The following ST6GALNAC3 variants were observed in gnomAD, a reference collection of about 807,000 sequenced individuals.
ST6GALNAC3 encodes alpha-N-acetylgalactosaminide alpha-2,6-sialyltransferase 3.
ST6GALNAC3 carries 25 observed loss-of-function variants against 32.7 expected under a neutral mutation model. The ratio of observed to expected loss-of-function variants is 0.76; its 90% CI spans 0.56 to 1.07. The LOEUF is 1.07. ST6GALNAC3 is among the 50% of genes least tolerant of loss of function. ST6GALNAC3 has a pLI of 0.00. For missense variants in ST6GALNAC3, 355 were observed against 382.4 expected, an observed-to-expected ratio of 0.93 and a Z score of 0.60; for synonymous variants, 129 against 133.1, an observed-to-expected ratio of 0.97 and a Z score of 0.21.
At chr1:76,112,430 G>A (rs1257484848) in intron 1 of ST6GALNAC3, among the ~76,000 whole-genome samples, 1 of 117,800 alleles carries the variant, frequency 8.5e-6, no homozygotes, top group Non-Finnish European at 1.8e-5. Flanking sequence ...CTAACCCCCC[G>A]ACCTCCCTTC....
chr1:76,606,737 T>TG (rs1647573730), intron 3 of ST6GALNAC3, among the ~76,000 whole-genome samples: 1 of 139,004 alleles, frequency 7.2e-6, no homozygotes, highest in South Asian at 2.2e-4. Context: ...ATGAAAAGAG[T>TG]GAAAAAAAAA....
At chr1:76,195,943 A>C (rs1654181007) in intron 1 of ST6GALNAC3, among the ~76,000 whole-genome samples, 1 of 152,216 alleles carries the variant, frequency 6.6e-6, no homozygotes, top group South Asian at 2.1e-4. Flanking sequence ...GGTTTTTGCA[A>C]GGAGTCTTAG....
Position 76,588,716 on chromosome 1 carries a change from C to T in ST6GALNAC3, c.624-38736C>T, listed in dbSNP as rs111577124. 5.8e-3 allele frequency among the ~76,000 whole-genome samples: 880 copies of T among 152,286 alleles called. 6 individuals are homozygous for T. Among genetic ancestry groups the T allele is most frequent in the African/African-American group, 0.02 (831 of 41,556 alleles). The stretch of plus-strand genomic sequence containing the variant: ...AGGGGAGAAGTCACCGTATTTCTCC[C>T]TCTGCCTTGGGGAGGCATTTCCAGC... On this transcript the variant is annotated intron_variant, in intron 3 of 4. Transcript: ENST00000328299.
At chr1:76,282,584 GGCACCA>G (rs1161438583) in intron 1 of ST6GALNAC3, among the ~76,000 whole-genome samples, 5 of 152,018 alleles carry the variant, frequency 3.3e-5, no homozygotes, top group Non-Finnish European at 2.9e-5. Flanking sequence ...CATTTAAAAT[GGCACCA>G]GTTACTGTTT....
chr1:76,277,780 G>A (rs990466724), intron 1 of ST6GALNAC3, among the ~76,000 whole-genome samples: 7 of 151,802 alleles, frequency 4.6e-5, no homozygotes, highest in Non-Finnish European at 8.8e-5. Context: ...ATCTGTAATG[G>A]TATCTCTGTC....
At chr1:76,299,802 T>G (rs929210229) in intron 1 of ST6GALNAC3, among the ~76,000 whole-genome samples, 12 of 144,662 alleles carry the variant, frequency 8.3e-5, no homozygotes, top group African/African-American at 2.9e-4. Flanking sequence ...ACAAATAATC[T>G]CCAGAGAAAG....
At chr1:76,429,854 G>T (rs1001598330) in intron 3 of ST6GALNAC3, among the ~76,000 whole-genome samples, 3 of 152,248 alleles carry the variant, frequency 2.0e-5, no homozygotes, top group East Asian at 1.9e-4. Flanking sequence ...CTTCCAAAAA[G>T]CCATGATACT....
At chr1:76,484,374 T>A (rs928705056) in intron 3 of ST6GALNAC3, among the ~76,000 whole-genome samples, 5 of 152,236 alleles carry the variant, frequency 3.3e-5, no homozygotes, top group African/African-American at 1.2e-4. Flanking sequence ...TTCTTCCATT[T>A]GTTTGTGTCC....
At chr1:76,247,011 G>T (rs1179638626) in intron 1 of ST6GALNAC3, among the ~76,000 whole-genome samples, 4 of 152,276 alleles carry the variant, frequency 2.6e-5, no homozygotes, top group South Asian at 4.1e-4. Flanking sequence ...TTTTGTTGAT[G>T]TTGTTGTTGC....
chr1:76,248,937 G>A (rs932216328), intron 1 of ST6GALNAC3, among the ~76,000 whole-genome samples: 4 of 152,070 alleles, frequency 2.6e-5, no homozygotes, highest in African/African-American at 9.7e-5. Flanking sequence ...TCTTCTCAAA[G>A]TACCGATTTA....
intron 3 of ST6GALNAC3, among the ~76,000 whole-genome samples, chr1:76,441,149 G>T (rs1656569638): frequency 6.7e-6 from 1 of 150,348 alleles, no homozygotes; most frequent in African/African-American, 2.4e-5. Context: ...AAGGAAATGT[G>T]ATATAATATG....
chr1:76,155,524 G>A (rs1651346122), intron 1 of ST6GALNAC3, among the ~76,000 whole-genome samples: 2 of 152,014 alleles, frequency 1.3e-5, no homozygotes, highest in South Asian at 4.1e-4. Context: ...CTGGAGTGCG[G>A]TGGCGCAATC....
intron 2 of ST6GALNAC3, among the ~76,000 whole-genome samples, chr1:76,379,891 G>A (rs929794389): frequency 2.0e-5 from 3 of 152,132 alleles, no homozygotes; most frequent in Non-Finnish European, 4.4e-5. Flanking sequence ...CTTTTGATGA[G>A]GCGAAACAGG....
rs575294893 is a variant in ST6GALNAC3 at position 76,553,950 on chromosome 1, C to T, written c.624-73502C>T. On this transcript the variant is annotated intron_variant, in intron 3 of 4. Transcript: ENST00000328299. The stretch of plus-strand genomic sequence containing the variant: ...ATTACTGTACCAAAAGCAGTATATA[C>T]ACATAGTAATAATAATGCAATGTTC... Among the ~76,000 whole-genome samples the T allele has an allele frequency of 3.3e-5, 5 of 152,278 alleles. No homozygotes were observed. The East Asian group carries it at 7.7e-4, about 24-fold the overall frequency.
At chr1:76,500,336 G>A (rs1402103560) in intron 3 of ST6GALNAC3, among the ~76,000 whole-genome samples, 1 of 152,070 alleles carries the variant, frequency 6.6e-6, no homozygotes, top group Admixed American at 6.6e-5. Context: ...TGTTACTTGA[G>A]ATACAGCATT....
chr1:76,245,111 C>T (rs1657184573), intron 1 of ST6GALNAC3, among the ~76,000 whole-genome samples: 1 of 152,100 alleles, frequency 6.6e-6, no homozygotes, highest in South Asian at 2.1e-4. Flanking sequence ...AATTTCAGAA[C>T]TTGTTATTGG....
At chr1:76,225,032 T>C (rs1237080600) in intron 1 of ST6GALNAC3, among the ~76,000 whole-genome samples, 1 of 152,098 alleles carries the variant, frequency 6.6e-6, no homozygotes, top group East Asian at 1.9e-4. Flanking sequence ...GGAACACGAA[T>C]TGAGCAGCAG....
chr1:76,352,849 T>C (rs1019448550), intron 2 of ST6GALNAC3, among the ~76,000 whole-genome samples: 1 of 152,172 alleles, frequency 6.6e-6, no homozygotes, highest in South Asian at 2.1e-4. Context: ...AAACCTAAGA[T>C]GCATTCTAGA....
At chr1:76,187,512 T>C (rs539809996) in intron 1 of ST6GALNAC3, among the ~76,000 whole-genome samples, 2 of 152,218 alleles carry the variant, frequency 1.3e-5, no homozygotes, top group Non-Finnish European at 2.9e-5. Context: ...CCAGATATTG[T>C]ATAAATCATG....
Sources: allele counts gnomAD v4.1 joint callset (sites outside exome capture counted in the v4.1 genomes callset), GRCh38; gene constraint gnomAD v4.1.1; transcripts MANE v1.5; gene names NCBI Gene and HGNC (gene_info 2026-07-23, HGNC 2026-07-21).